SARDH: variants seen among roughly 807,000 people sequenced by gnomAD.
SARDH encodes sarcosine dehydrogenase, mitochondrial.
SARDH carries 95 observed loss-of-function variants against 109.1 expected under a neutral mutation model. The observed-to-expected ratio is 0.87, with a 90% CI of 0.74 to 1.03. The LOEUF is 1.03. Among genes scored for constraint, SARDH ranks in the 50% least tolerant of loss-of-function variants. The probability of loss-of-function intolerance (pLI) is 0.00; values close to 1 mark genes in which losing one functional copy is unlikely to be tolerated. For synonymous variants in SARDH, 572 were observed against 534.8 expected (o/e 1.07, Z -0.96); for missense variants, 1,267 against 1,287.8 (o/e 0.98, Z 0.25).
At chr9:133,701,787 G>A (rs1481430597) in intron 13 of SARDH, among the ~76,000 whole-genome samples, 1 of 152,222 alleles carries the variant, frequency 6.6e-6, no homozygotes, top group African/African-American at 2.4e-5. Context: ...TTGAACAGAT[G>A]TTCCACCACT....
rs1831946419 is a variant in SARDH at position 133,712,183 on chromosome 9, T to C, written c.1328+436A>G. On this transcript the variant is annotated intron_variant, in intron 10 of 20. Transcript: ENST00000439388. This position sits in a 1 kb window ranked among gnomAD's most constrained non-coding sequence, Gnocchi z 4.1. Reference sequence around the variant, plus strand: ...TTAGAGACGAGGAAGTGGCTTGCACTGGGTCTCATTCCTGGCCGCTTTGTC... The same window carrying C: ...TTAGAGACGAGGAAGTGGCTTGCACCGGGTCTCATTCCTGGCCGCTTTGTC... 1.3e-5 allele frequency among the ~76,000 whole-genome samples: 2 copies of C among 152,198 alleles called. No individual in the cohort carries two copies. Among genetic ancestry groups the C allele is most frequent in the Non-Finnish European group, 2.9e-5 (2 of 68,024 alleles).
intron 1 of SARDH, among the ~76,000 whole-genome samples, chr9:133,734,697 G>A (rs1203251320): frequency 1.3e-5 from 2 of 152,316 alleles, no homozygotes; most frequent in African/African-American, 2.4e-5. Flanking sequence ...GGGCTGCCCC[G>A]TGAGGCCGGG....
At chr9:133,703,658 A>AC (rs34194155) in intron 12 of SARDH, 2 of 151,782 alleles carry the variant, frequency 1.3e-5, no homozygotes, top group African/African-American at 4.9e-5. Flanking sequence ...CCTGCAGACA[A>AC]CCCCCCACCC....
At position 133,678,291 on chromosome 9, in the gene SARDH, G is replaced by A. The variant is rs113201781; in HGVS notation, c.2164-6594C>T. On this transcript the variant is annotated intron_variant, in intron 17 of 20. Transcript: ENST00000439388. The stretch of plus-strand genomic sequence containing the variant: ...ATTCAGACCATGATCCCCCAAGCAG[G>A]GCACCTGGCATGAGGACTCGGGACT... Among the ~76,000 whole-genome samples the A allele has an allele frequency of 2.6e-3, 400 of 152,246 alleles. 2 individuals carry two copies. The highest frequency in any genetic ancestry group is 8.7e-3 in the African/African-American group (360 of 41,532).
At position 133,671,613 on chromosome 9, in the gene SARDH, C is replaced by T. The variant is rs764125663; in HGVS notation, c.2248G>A (p.Ala750Thr). The T allele has an allele frequency of 1.2e-6, 2 of 1,603,314 alleles. No individual in the cohort carries two copies. Among genetic ancestry groups the T allele is most frequent in the South Asian group, 1.1e-5 (1 of 89,154 alleles). Residue 750 changes from alanine to threonine, a missense_variant, in exon 18 of 21, where the codon GCT (alanine) becomes ACT (threonine). Coordinates refer to ENST00000439388, the MANE Select transcript of SARDH (RefSeq NM_001134707.2). Reference protein sequence around the residue: ...PKASCVPVYRAVMAAGAKHGL... With the variant: ...PKASCVPVYRTVMAAGAKHGL... ...TGCTTGGCACCCGCGGCCATCACAGCCCGGTACACAGGCACGCAGGACGCC... is the reference window on the plus strand; with the variant it reads ...TGCTTGGCACCCGCGGCCATCACAGTCCGGTACACAGGCACGCAGGACGCC...
At chr9:133,725,436 T>C in intron 6 of SARDH, 1 of 346,006 alleles carries the variant, frequency 2.9e-6, no homozygotes, top group Non-Finnish European at 5.8e-6. Context: ...ACTTTGGAAG[T>C]CCGAGATGGG....
intron 19 of SARDH, among the ~76,000 whole-genome samples, chr9:133,668,360 T>TCCCTCA (rs1275208393): frequency 1.1e-5 from 1 of 91,124 alleles, no homozygotes; most frequent in Non-Finnish European, 2.1e-5. Context: ...ACCCTCCCTC[T>TCCCTCA]CCCTCACCCT....
At chr9:133,675,982 A>G (rs1830496586) in intron 17 of SARDH, among the ~76,000 whole-genome samples, 1 of 151,994 alleles carries the variant, frequency 6.6e-6, no homozygotes, top group Non-Finnish European at 1.5e-5. Flanking sequence ...AGTCCCAGCT[A>G]CTTGGAAGGC....
chr9:133,667,252 C>T (rs1366305780), intron 19 of SARDH: 4 of 357,594 alleles, frequency 1.1e-5, no homozygotes, highest in Middle Eastern at 7.4e-4. Flanking sequence ...CTACAACCTC[C>T]GCCTCCCAGG....
Position 133,696,245 on chromosome 9 carries a change from G to C in SARDH, c.1785C>G (p.Ser595=), listed in dbSNP as rs2502740. 2.0e-3 allele frequency: 3,299 copies of C among 1,613,854 alleles called. 74 individuals carry two copies. In the African/African-American group the frequency reaches 0.039, roughly 19 times the overall value. Residue 595 remains serine (S), a synonymous_variant, in exon 14 of 21, where the codon TCC becomes TCG. Coordinates refer to ENST00000439388, the MANE Select transcript of SARDH (RefSeq NM_001134707.2). ...TACCTGGGGGTCGGCTGACATCTGC[G>C]GAGAAGAGCCAGTCGGCAGCCTTCC... is the stretch of plus-strand genomic sequence containing the variant. ...DARKAADWLF[S]ADVSRPPGST... is the part of the protein sequence containing the mutation.
rs1831144089 is a variant in SARDH, at chr9:133,692,713, C to A, written c.1921+1545G>T. On this transcript the variant is annotated intron_variant, in intron 15 of 20. Transcript: ENST00000439388. The surrounding 1 kb of genome is among the most constrained non-coding windows in gnomAD (Gnocchi z 5.0). ...GCCCCACCGGCCTCCTTCACCTCCTCCCGACCCTGGCTACCTGGTGCTTCC... is the reference window on the plus strand; with the variant it reads ...GCCCCACCGGCCTCCTTCACCTCCTACCGACCCTGGCTACCTGGTGCTTCC... 6.6e-6 allele frequency among the ~76,000 whole-genome samples: 1 copy of A among 152,186 alleles called. No individual in the cohort carries two copies. Among genetic ancestry groups the A allele is most frequent in the Non-Finnish European group, 1.5e-5 (1 of 68,034 alleles).
Position 133,731,261 on chromosome 9 carries a change from G to C in SARDH, c.690+44C>G, listed in dbSNP as rs1481538678. The C allele has an allele frequency of 3.7e-6, 6 of 1,605,288 alleles. No individual in the cohort carries two copies. The Admixed American group carries it at 5.1e-5, about 14-fold the overall frequency. ...CTCTCAGGGTTCTAAGGCAGGAGGA[G>C]TGGGCTGGGAACAGGGGACCCAGAG... On this transcript the variant is annotated intron_variant, in intron 4 of 20. Transcript: ENST00000439388.
rs765469066 is a variant in SARDH, at chr9:133,708,439, CAG to C, written c.1329-13_1329-12del. 5.6e-6 allele frequency: 9 copies of C among 1,605,496 alleles called. No individual in the cohort carries two copies. The highest frequency in any genetic ancestry group is 4.4e-5 in the South Asian group (4 of 90,208). ...GAGTGATGGAAGCGCCTGCCGCAGA[CAG>C]GGGGACGGGTCACTGCTTTGGGGAT... On this transcript the variant is annotated splice_polypyrimidine_tract_variant and intron_variant, in intron 10 of 20. Coordinates refer to ENST00000439388, the MANE Select transcript of SARDH (RefSeq NM_001134707.2).
In SARDH at chr9:133,693,870, G is replaced by A. The variant is rs1257706017; in HGVS notation, c.1921+388C>T. ...CAAGCTCCAGACTAGAGGGTCACAC[G>A]GGCCTGAGAAGTCAACCCAGCAAGG... On this transcript the variant is annotated intron_variant, in intron 15 of 20. Coordinates refer to ENST00000439388, the MANE Select transcript of SARDH (RefSeq NM_001134707.2). This position sits in a 1 kb window ranked among gnomAD's most constrained non-coding sequence, Gnocchi z 5.6. 2.6e-5 allele frequency among the ~76,000 whole-genome samples: 4 copies of A among 152,328 alleles called. No homozygotes were observed. The highest frequency in any genetic ancestry group is 4.4e-5 in the Non-Finnish European group (3 of 68,020).
chr9:133,704,127 G>A lies in SARDH; in HGVS notation c.1554+821C>T, dbSNP rs908941457. On this transcript the variant is annotated intron_variant, in intron 12 of 20. Transcript: ENST00000439388. This position sits in a 1 kb window ranked among gnomAD's most constrained non-coding sequence, Gnocchi z 4.5. ...GTCCCTAGGGGCCAGCAGGAGAAGA[G>A]ACGATGACCTGCAAGGCTCTGACCC... Among the ~76,000 whole-genome samples, 2 of 152,100 alleles carry A rather than the reference G, an allele frequency of 1.3e-5. No homozygotes were observed. Among genetic ancestry groups the A allele is most frequent in the East Asian group, 1.9e-4 (1 of 5,164 alleles).
chr9:133,711,890 C>T lies in SARDH; in HGVS notation c.1328+729G>A, dbSNP rs190005371. On this transcript the variant is annotated intron_variant, in intron 10 of 20. Coordinates refer to ENST00000439388, the MANE Select transcript of SARDH (RefSeq NM_001134707.2). ...CTGCTGTGTGGGTCGGAGAGGCCAC[C>T]GCCATGAGGACGAGACACAGGAGGA... 5.4e-3 allele frequency among the ~76,000 whole-genome samples: 821 copies of T among 152,266 alleles called. 6 individuals carry two copies. Among genetic ancestry groups the T allele is most frequent in the Non-Finnish European group, 9.1e-3 (622 of 67,998 alleles).
chr9:133,720,548 A>G (rs1832287740), intron 6 of SARDH, among the ~76,000 whole-genome samples: 1 of 152,262 alleles, frequency 6.6e-6, no homozygotes, highest in African/African-American at 2.4e-5. Flanking sequence ...TACAGGAAAG[A>G]GGTTTAATGG....
rs1831975510 is a variant in SARDH, at chr9:133,712,796, GCA to G, written c.1238-89_1238-88del. ...ACATGTGCCCCCATCTCCACGGACAGCACAGACACTCCAAGCTCTGCTCTCAC... is the reference window on the plus strand; with the variant it reads ...ACATGTGCCCCCATCTCCACGGACAGCAGACACTCCAAGCTCTGCTCTCAC... On this transcript the variant is annotated intron_variant, in intron 9 of 20. Coordinates refer to ENST00000439388, the MANE Select transcript of SARDH (RefSeq NM_001134707.2). The surrounding 1 kb of genome is among the most constrained non-coding windows in gnomAD (Gnocchi z 4.1). The G allele has an allele frequency of 7.8e-7, 1 of 1,278,046 alleles. No homozygotes were observed. Among genetic ancestry groups the G allele is most frequent in the South Asian group, 1.3e-5 (1 of 79,872 alleles). 79.2% of individuals were successfully genotyped at this position (1,278,046 alleles called of 1,614,324 possible).
intron 8 of SARDH, among the ~76,000 whole-genome samples, chr9:133,715,037 G>A (rs750701165): frequency 1.3e-5 from 2 of 152,232 alleles, no homozygotes; most frequent in Non-Finnish European, 2.9e-5. Context: ...AACATGGCCA[G>A]GGGCCAGGCC....
Sources: allele counts gnomAD v4.1 joint callset (sites outside exome capture counted in the v4.1 genomes callset), GRCh38; gene constraint gnomAD v4.1.1; non-coding constraint Gnocchi (gnomAD v3.1); transcripts MANE v1.5; gene names NCBI Gene and HGNC (gene_info 2026-07-23, HGNC 2026-07-21).